PRKN: variants seen among roughly 807,000 people sequenced by gnomAD.
The protein encoded by PRKN is E3 ubiquitin-protein ligase parkin.
Under a neutral mutation model 59.5 loss-of-function variants are expected in PRKN, and 56 were observed. That is an observed-to-expected ratio of 0.94 (90% CI 0.76 to 1.18). The LOEUF (loss-of-function observed/expected upper bound fraction) is 1.18, where lower values mean the gene tolerates loss of function less well. Among genes scored for constraint, PRKN ranks in the 50% most tolerant of loss-of-function variants. The pLI is 0.00. For missense variants in PRKN, 657 were observed against 596.4 expected, an observed-to-expected ratio of 1.10 and a Z score of -1.06; for synonymous variants, 250 against 222.1, an observed-to-expected ratio of 1.13 and a Z score of -1.12.
intron 7 of PRKN, among the ~76,000 whole-genome samples, chr6:161,647,913 C>T (rs868593676): frequency 6.6e-6 from 1 of 152,166 alleles, no homozygotes; most frequent in African/African-American, 2.4e-5. Context: ...TAGATATTTT[C>T]GTGCTTCTGA....
chr6:162,336,142 C>A (rs1783834392), intron 2 of PRKN, among the ~76,000 whole-genome samples: 1 of 152,212 alleles, frequency 6.6e-6, no homozygotes, highest in African/African-American at 2.4e-5. Flanking sequence ...TTCCATAACA[C>A]TTTCTGAAGA....
intron 1 of PRKN, among the ~76,000 whole-genome samples, chr6:162,582,445 G>C (rs1780827369): frequency 6.6e-6 from 1 of 152,154 alleles, no homozygotes; most frequent in African/African-American, 2.4e-5. Context: ...CCTGATTATG[G>C]TGCCTGCATT....
chr6:162,113,890 T>C (rs1273073458), intron 4 of PRKN, among the ~76,000 whole-genome samples: 4 of 152,108 alleles, frequency 2.6e-5, no homozygotes, highest in Non-Finnish European at 5.9e-5. Context: ...TTGATTTTTG[T>C]ATAAGGTGTA....
intron 7 of PRKN, among the ~76,000 whole-genome samples, chr6:161,705,103 A>G (rs1188519131): frequency 2.6e-5 from 4 of 152,166 alleles, no homozygotes; most frequent in Non-Finnish European, 5.9e-5. Context: ...TATCCAAATT[A>G]TTGTGGGCAT....
intron 5 of PRKN, among the ~76,000 whole-genome samples, chr6:162,049,105 T>C (rs1777509405): frequency 1.3e-5 from 2 of 152,128 alleles, no homozygotes; most frequent in African/African-American, 4.8e-5. Flanking sequence ...CAAGTTTGTA[T>C]TTGTACTCTT....
At chr6:162,288,738 C>T (rs182353655) in intron 2 of PRKN, among the ~76,000 whole-genome samples, 12 of 152,248 alleles carry the variant, frequency 7.9e-5, no homozygotes, top group Admixed American at 2.0e-4. Flanking sequence ...TGGTGAAACA[C>T]TCACATTTTT....
intron 5 of PRKN, among the ~76,000 whole-genome samples, chr6:161,987,795 T>C (rs181892772): frequency 3.3e-5 from 5 of 152,362 alleles, no homozygotes; most frequent in Admixed American, 3.3e-4. Flanking sequence ...TCAAACCTTT[T>C]GTGTCATAAG....
intron 7 of PRKN, among the ~76,000 whole-genome samples, chr6:161,698,011 A>C (rs1030836096): frequency 6.6e-6 from 1 of 152,130 alleles, no homozygotes; most frequent in Non-Finnish European, 1.5e-5. Flanking sequence ...TTCACACCTA[A>C]CACTTTAGTA....
At position 161,390,589 on chromosome 6, in the gene PRKN, A is replaced by G. The variant is rs1786462368; in HGVS notation, c.1084-3712T>C. ...CTGCAACCTCCGCCTCCCGGGTTCA[A>G]GCAATTCTCCCGTCTCAGCCTCCTG... On this transcript the variant is annotated intron_variant, in intron 9 of 11. Transcript: ENST00000366898. The surrounding 1 kb of genome is among the most constrained non-coding windows in gnomAD (Gnocchi z 7.0). Among the ~76,000 whole-genome samples, 1 of 152,134 alleles carries G rather than the reference A, an allele frequency of 6.6e-6. No homozygotes were observed. The highest frequency in any genetic ancestry group is 2.4e-5 in the African/African-American group (1 of 41,422).
intron 4 of PRKN, among the ~76,000 whole-genome samples, chr6:162,174,917 G>T (rs1268771771): frequency 2.0e-5 from 3 of 152,164 alleles, no homozygotes; most frequent in Non-Finnish European, 4.4e-5. Context: ...CTTAAATATA[G>T]AACCATATTG....
At chr6:162,204,622 C>T (rs930052584) in intron 3 of PRKN, among the ~76,000 whole-genome samples, 1 of 152,092 alleles carries the variant, frequency 6.6e-6, no homozygotes, top group African/African-American at 2.4e-5. Context: ...CATCAACGAA[C>T]TCATATAATT....
At chr6:162,397,676 G>A (rs1417124714) in intron 2 of PRKN, among the ~76,000 whole-genome samples, 1 of 152,164 alleles carries the variant, frequency 6.6e-6, no homozygotes, top group Non-Finnish European at 1.5e-5. Context: ...TGTCACCGCT[G>A]ACATTGAGTG....
intron 7 of PRKN, among the ~76,000 whole-genome samples, chr6:161,694,340 C>T (rs1027825452): frequency 6.6e-6 from 1 of 152,030 alleles, no homozygotes; most frequent in Non-Finnish European, 1.5e-5. Flanking sequence ...CAGTAAAATA[C>T]CAATCAGATG....
At chr6:162,680,257 ACATATATACTTAATATATACTTAATTAAG>A (rs1219974608) in intron 1 of PRKN, among the ~76,000 whole-genome samples, 1 of 151,096 alleles carries the variant, frequency 6.6e-6, no homozygotes, top group East Asian at 1.9e-4. Context: ...ATATACAGAT[ACATATATACTTAATATATACTTAATTAAG>A]CATATATACT....
At chr6:162,452,552 G>T (rs1790676820) in intron 1 of PRKN, among the ~76,000 whole-genome samples, 1 of 152,054 alleles carries the variant, frequency 6.6e-6, no homozygotes. Flanking sequence ...GTTAAGGACA[G>T]ACATTATATT....
chr6:162,388,653 T>C (rs1388041165), intron 2 of PRKN, among the ~76,000 whole-genome samples: 2 of 152,062 alleles, frequency 1.3e-5, no homozygotes, highest in Non-Finnish European at 2.9e-5. Context: ...TTAACAACAC[T>C]GCTGCCATGG....
chr6:161,530,612 G>A lies in PRKN; in HGVS notation c.1083+18242C>T, dbSNP rs1375282446. Reference sequence around the variant, plus strand: ...GCTCACCGCAACCTCCACCTCCCAGGTTCAAGCGCTTCTCCTGCCTAGCCT... The same window carrying A: ...GCTCACCGCAACCTCCACCTCCCAGATTCAAGCGCTTCTCCTGCCTAGCCT... On this transcript the variant is annotated intron_variant, in intron 9 of 11. Transcript: ENST00000366898. The surrounding 1 kb of genome is among the most constrained non-coding windows in gnomAD (Gnocchi z 5.0). Among the ~76,000 whole-genome samples, 1 of 151,818 alleles carries A rather than the reference G, an allele frequency of 6.6e-6. No homozygotes were observed. Among genetic ancestry groups the A allele is most frequent in the Non-Finnish European group, 1.5e-5 (1 of 67,992 alleles).
In PRKN at chr6:162,226,982, C is replaced by T. The variant is rs142953721; in HGVS notation, c.413-25730G>A. Among the ~76,000 whole-genome samples, 602 of 152,316 alleles carry T rather than the reference C, an allele frequency of 4.0e-3. 4 individuals carry two copies. The highest frequency in any genetic ancestry group is 6.8e-3 in the Middle Eastern group (2 of 294). On this transcript the variant is annotated intron_variant, in intron 3 of 11. Coordinates refer to ENST00000366898, the MANE Select transcript of PRKN (RefSeq NM_004562.3). The stretch of plus-strand genomic sequence containing the variant: ...TCATTCTCTTGCTGCGCTAATGATC[C>T]GGCCAGAAAGTGCTGACAGCCGGCT...
In PRKN at chr6:161,581,820, T is replaced by C. The variant is rs1583256855; in HGVS notation, c.872-12404A>G. On this transcript the variant is annotated intron_variant, in intron 7 of 11. Transcript: ENST00000366898. This position sits in a 1 kb window ranked among gnomAD's most constrained non-coding sequence, Gnocchi z 4.5. ...GGGTGTGGAAGCCATGCTAAGCTAG[T>C]GAGTTCTGACAAGGGCTCCTTTCCT... Among the ~76,000 whole-genome samples, 3 of 152,310 alleles carry C rather than the reference T, an allele frequency of 2.0e-5. No homozygotes were observed. Among genetic ancestry groups the C allele is most frequent in the African/African-American group, 7.2e-5 (3 of 41,570 alleles).
Sources: gnomAD v4.1 joint callset for allele counts (sites outside exome capture counted in the v4.1 genomes callset) on GRCh38, gnomAD v4.1.1 for gene constraint, Gnocchi (gnomAD v3.1) non-coding constraint, MANE v1.5 for transcripts, NCBI Gene and HGNC (gene_info 2026-07-23, HGNC 2026-07-21) for gene names.